COX16: variants seen among roughly 807,000 people sequenced by gnomAD.
COX16 encodes the protein cytochrome c oxidase assembly protein COX16 homolog, mitochondrial.
In COX16, 12 loss-of-function variants were observed where a neutral mutation model predicts 15.4. The observed-to-expected ratio is 0.78, with a 90% CI of 0.50 to 1.26. COX16 has a LOEUF of 1.26. Ranked by LOEUF, COX16 falls within the 50% of genes most tolerant of loss-of-function variation. The probability of loss-of-function intolerance (pLI) is 0.00; values close to 1 mark genes in which losing one functional copy is unlikely to be tolerated. For missense variants in COX16, 124 were observed against 127.6 expected, an observed-to-expected ratio of 0.97 and a Z score of 0.14; for synonymous variants, 46 against 41.1, an observed-to-expected ratio of 1.12 and a Z score of -0.46.
chr14:70,328,438 T>C (rs1886164274), intron 3 of COX16, among the ~76,000 whole-genome samples: 1 of 152,164 alleles, frequency 6.6e-6, no homozygotes, highest in Non-Finnish European at 1.5e-5. Flanking sequence ...CAGGAAAATA[T>C]AATCCAGTCA....
At chr14:70,353,373 T>A (rs559507232) in intron 1 of COX16, among the ~76,000 whole-genome samples, 1 of 149,108 alleles carries the variant, frequency 6.7e-6, no homozygotes, top group Non-Finnish European at 1.5e-5. Context: ...ACCTTTCTTT[T>A]AATTTAATTT....
chr14:70,349,201 T>C (rs536627461), intron 1 of COX16, among the ~76,000 whole-genome samples: 1 of 152,308 alleles, frequency 6.6e-6, no homozygotes, highest in East Asian at 1.9e-4. Context: ...TACCCAGTCC[T>C]GCTCTATCTG....
intron 1 of COX16, among the ~76,000 whole-genome samples, chr14:70,356,234 G>A (rs1281305375): frequency 6.6e-6 from 1 of 151,560 alleles, no homozygotes; most frequent in Non-Finnish European, 1.5e-5. Flanking sequence ...ATGGCAGTTT[G>A]GGGATGAAAC....
At chr14:70,328,895 C>CT (rs1886183155) in intron 3 of COX16, among the ~76,000 whole-genome samples, 2 of 151,756 alleles carry the variant, frequency 1.3e-5, no homozygotes, top group South Asian at 4.1e-4. Context: ...TTTAAATAGG[C>CT]TTTTTTGACT....
rs183063130 is a variant in COX16 at position 70,340,028 on chromosome 14, A to G, written c.141+2630T>C. On this transcript the variant is annotated intron_variant, in intron 2 of 3. Transcript: ENST00000389912. ...TTCCTAAACCTCATCTGGTAGCTCAACCTCCCCTGTTCTCCTTAACTGGGT... is the reference window on the plus strand; with the variant it reads ...TTCCTAAACCTCATCTGGTAGCTCAGCCTCCCCTGTTCTCCTTAACTGGGT... Among the ~76,000 whole-genome samples the G allele has an allele frequency of 1.2e-3, 183 of 150,900 alleles. 1 individual carries two copies. The highest frequency in any genetic ancestry group is 3.9e-3 in the African/African-American group (160 of 41,034).
At chr14:70,328,501 A>T (rs1375841766) in intron 3 of COX16, among the ~76,000 whole-genome samples, 1 of 152,202 alleles carries the variant, frequency 6.6e-6, no homozygotes, top group Non-Finnish European at 1.5e-5. Flanking sequence ...ATCCCATAAT[A>T]TAGCGTGCTG....
At chr14:70,330,803 T>G (rs560340616) in intron 2 of COX16, among the ~76,000 whole-genome samples, 2 of 152,162 alleles carry the variant, frequency 1.3e-5, no homozygotes, top group African/African-American at 4.8e-5. Flanking sequence ...TATTTGATGA[T>G]TGCACAATTT....
intron 2 of COX16, among the ~76,000 whole-genome samples, chr14:70,339,022 T>C (rs950142560): frequency 1.3e-5 from 2 of 152,248 alleles, no homozygotes; most frequent in South Asian, 2.1e-4. Flanking sequence ...GGCACTGATA[T>C]TATAATTGTT....
At chr14:70,345,273 T>C (rs61977514) in intron 1 of COX16, among the ~76,000 whole-genome samples, 3,303 of 152,344 alleles carry the variant, frequency 0.022, 57 homozygotes, top group Middle Eastern at 0.041. Flanking sequence ...TATCCAGTGT[T>C]GGTCCAAGAA....
intron 2 of COX16, among the ~76,000 whole-genome samples, chr14:70,338,323 GGCTGGT>G (rs1886520729): frequency 6.6e-6 from 1 of 152,154 alleles, no homozygotes; most frequent in Non-Finnish European, 1.5e-5. Flanking sequence ...ATATTGCCCA[GGCTGGT>G]CCTGAACTCC....
chr14:70,356,946 A>G (rs879196274), intron 1 of COX16, among the ~76,000 whole-genome samples: 28 of 152,130 alleles, frequency 1.8e-4, no homozygotes, highest in Middle Eastern at 3.4e-3. Flanking sequence ...CGTAACAACC[A>G]TGAAAACCAA....
At chr14:70,355,227 TTTAC>T (rs1176263944) in intron 1 of COX16, among the ~76,000 whole-genome samples, 1 of 152,142 alleles carries the variant, frequency 6.6e-6, no homozygotes, top group Non-Finnish European at 1.5e-5. Flanking sequence ...AATCTGGTGA[TTTAC>T]TTATTTTCAT....
chr14:70,329,174 C>T lies in COX16; in HGVS notation c.204G>A (p.Glu68=). 1 of 1,592,250 alleles carries T rather than the reference C, an allele frequency of 6.3e-7. No individual in the cohort carries two copies. The highest frequency in any genetic ancestry group is 8.6e-7 in the Non-Finnish European group (1 of 1,166,770). Residue 68 remains glutamate, a splice_region_variant and synonymous_variant, in exon 3 of 4, where the codon GAG becomes GAA. Coordinates refer to ENST00000389912, the MANE Select transcript of COX16 (RefSeq NM_016468.7). ...ENKISLESEY[E]KIKDSKFDDW... ...CAGAGACTATATTAACATACCGTACCTCATATTCCGACTCTAAAGATATTT... is the reference window on the plus strand; with the variant it reads ...CAGAGACTATATTAACATACCGTACTTCATATTCCGACTCTAAAGATATTT...
At chr14:70,338,190 T>C (rs1185842717) in intron 2 of COX16, among the ~76,000 whole-genome samples, 1 of 152,214 alleles carries the variant, frequency 6.6e-6, no homozygotes, top group Non-Finnish European at 1.5e-5. Context: ...CACAGCTCAC[T>C]GCAGTCTCAA....
chr14:70,334,844 G>C (rs1265205079), intron 2 of COX16, among the ~76,000 whole-genome samples: 4 of 152,136 alleles, frequency 2.6e-5, no homozygotes, highest in Admixed American at 2.6e-4. Context: ...CAGTAGTAAG[G>C]CCTTACCTAT....
intron 1 of COX16, among the ~76,000 whole-genome samples, chr14:70,355,428 T>C (rs1291192796): frequency 6.6e-6 from 1 of 152,184 alleles, no homozygotes; most frequent in Non-Finnish European, 1.5e-5. Flanking sequence ...TATTCACTTA[T>C]TTTGTAATCT....
intron 1 of COX16, among the ~76,000 whole-genome samples, chr14:70,347,260 T>C (rs1886811279): frequency 1.3e-5 from 2 of 152,176 alleles, no homozygotes. Context: ...ATGGAACTTA[T>C]CACTTAGTCC....
intron 1 of COX16, among the ~76,000 whole-genome samples, chr14:70,345,508 A>G (rs1886752101): frequency 6.6e-6 from 1 of 152,122 alleles, no homozygotes; most frequent in South Asian, 2.1e-4. Flanking sequence ...TGCTTCATAA[A>G]AAACCTGCAA....
chr14:70,329,056 A>ATATG, intron 3 of COX16, 118 bp downstream of exon 3: 1 of 694,280 alleles, frequency 1.4e-6, no homozygotes, highest in South Asian at 3.4e-5. Context: ...AAATGATTAT[A>ATATG]GTTTATCAAA....
Sources: allele counts gnomAD v4.1 joint callset (sites outside exome capture counted in the v4.1 genomes callset), GRCh38; gene constraint gnomAD v4.1.1; transcripts MANE v1.5; gene names NCBI Gene and HGNC (gene_info 2026-07-23, HGNC 2026-07-21).